ASXL1: variants seen among roughly 807,000 people sequenced by gnomAD.
ASXL1 encodes the protein ASXL transcriptional regulator 1.
In ASXL1, 65 loss-of-function variants were observed where a neutral mutation model predicts 89.1. The ratio of observed to expected loss-of-function variants is 0.73; its 90% CI spans 0.60 to 0.90. The LOEUF is 0.90. ASXL1 is among the 40% of genes least tolerant of loss of function. The probability of loss-of-function intolerance (pLI) is 0.00; values close to 1 mark genes in which losing one functional copy is unlikely to be tolerated. For missense variants in ASXL1, 1,786 were observed against 1,942.9 expected (o/e 0.92, Z 1.52); for synonymous variants, 739 against 746.9 (o/e 0.99, Z 0.17).
chr20:32,380,952 C>G (rs1201650356), intron 4 of ASXL1, among the ~76,000 whole-genome samples: 1 of 151,440 alleles, frequency 6.6e-6, no homozygotes, highest in African/African-American at 2.4e-5. Context: ...TCTGCTTGGC[C>G]TTTGCCTACT....
At chr20:32,411,899 A>G (rs1648303995) in intron 4 of ASXL1, among the ~76,000 whole-genome samples, 1 of 152,034 alleles carries the variant, frequency 6.6e-6, no homozygotes, top group Non-Finnish European at 1.5e-5. Context: ...TAATGTACAA[A>G]TTGTCGCTGA....
At chr20:32,372,973 C>T (rs183379971) in intron 4 of ASXL1, among the ~76,000 whole-genome samples, 78 of 147,428 alleles carry the variant, frequency 5.3e-4, no homozygotes, top group Admixed American at 2.5e-3. Flanking sequence ...GAGACAGTCT[C>T]GCTTTGTTGC....
intron 1 of ASXL1, among the ~76,000 whole-genome samples, chr20:32,365,686 A>T (rs190358164): frequency 1.5e-3 from 230 of 152,320 alleles, no homozygotes; most frequent in Non-Finnish European, 1.7e-3. Context: ...ATACTGCAAT[A>T]CTGCCATGAC....
chr20:32,400,016 C>T (rs2048845816), intron 4 of ASXL1, among the ~76,000 whole-genome samples: 1 of 151,970 alleles, frequency 6.6e-6, no homozygotes, highest in South Asian at 2.1e-4. Flanking sequence ...CTTGCCTCAG[C>T]CTCCCAAATT....
chr20:32,433,832 G>T lies in ASXL1; in HGVS notation c.1634G>T (p.Arg545Leu), dbSNP rs149449801. The T allele has an allele frequency of 6.2e-7, 1 of 1,613,950 alleles. No homozygotes were observed. The highest frequency in any genetic ancestry group is 1.1e-5 in the South Asian group (1 of 91,086). ...FPEKKPRLED[R>L]QSFRNTIESV... Reference sequence around the variant, plus strand: ...GAAAAGAAGCCCCGGCTTGAAGATCGTCAGTCCTTTCGTAACACAATTGAA... The same window carrying T: ...GAAAAGAAGCCCCGGCTTGAAGATCTTCAGTCCTTTCGTAACACAATTGAA... The change falls in exon 12 of 13, where the codon CGT becomes CTT. Residue 545 changes from arginine to leucine, a missense_variant. Around this residue, in one of 3 missense-constraint regions of ASXL1, gnomAD observed 1,418 missense variants for 1,427.8 expected, o/e 0.99. Transcript: ENST00000375687.
intron 4 of ASXL1, among the ~76,000 whole-genome samples, chr20:32,378,158 T>TTTTG (rs2048421070): frequency 7.7e-6 from 1 of 130,226 alleles, no homozygotes; most frequent in African/African-American, 3.1e-5. Flanking sequence ...GCTGAGTAAT[T>TTTTG]TGTGTGTGTG....
intron 6 of ASXL1, chr20:32,428,797 A>G: frequency 1.0e-5 from 3 of 295,714 alleles, no homozygotes; most frequent in South Asian, 9.5e-5. Context: ...AGTAGCTGGG[A>G]TTACAGGCAC....
Position 32,434,560 on chromosome 20 carries a change from CA to C in ASXL1, c.1849del (p.Ile617LeufsTer86). The C allele has an allele frequency of 6.2e-7, 1 of 1,613,688 alleles. No homozygotes were observed. Among genetic ancestry groups the C allele is most frequent in the Non-Finnish European group, 8.5e-7 (1 of 1,180,022 alleles). ...GWTGARTLAD[I>X]KARALQVRGA... Reference sequence around the variant, plus strand: ...GGACTGGCGCCAGGACCCTCGCAGACATTAAAGCCCGTGCTCTGCAGGTCCG... The same window carrying C: ...GGACTGGCGCCAGGACCCTCGCAGACTTAAAGCCCGTGCTCTGCAGGTCCG... On this transcript the variant is annotated frameshift_variant, in exon 13 of 13. Coordinates refer to ENST00000375687, the MANE Select transcript of ASXL1 (RefSeq NM_015338.6). LOFTEE classifies it low-confidence loss of function (END_TRUNC).
chr20:32,425,359 C>T (rs1305137406), intron 4 of ASXL1, among the ~76,000 whole-genome samples: 1 of 151,726 alleles, frequency 6.6e-6, no homozygotes, highest in Non-Finnish European at 1.5e-5. Context: ...TCTAAGGAAT[C>T]CAAGCCTAGG....
At chr20:32,390,204 A>C (rs910134848) in intron 4 of ASXL1, among the ~76,000 whole-genome samples, 2 of 152,230 alleles carry the variant, frequency 1.3e-5, no homozygotes, top group Admixed American at 6.5e-5. Flanking sequence ...TTTGTAATAA[A>C]GTGTTGAATA....
chr20:32,419,729 T>G (rs1024877261), intron 4 of ASXL1, among the ~76,000 whole-genome samples: 14 of 151,392 alleles, frequency 9.2e-5, no homozygotes, highest in Admixed American at 2.0e-4. Flanking sequence ...TTGCCCAGGC[T>G]GGAGTGCAGT....
chr20:32,423,424 A>AG (rs908957271), intron 4 of ASXL1, among the ~76,000 whole-genome samples: 8 of 151,458 alleles, frequency 5.3e-5, no homozygotes, highest in South Asian at 2.1e-4. Flanking sequence ...TATATTTAGT[A>AG]GGGGGGGTTT....
chr20:32,403,766 C>T (rs1569287855), intron 4 of ASXL1, among the ~76,000 whole-genome samples: 1 of 152,060 alleles, frequency 6.6e-6, no homozygotes, highest in East Asian at 1.9e-4. Flanking sequence ...GGTGGAGTTT[C>T]AATAGTAAAT....
chr20:32,378,987 C>G (rs1205723209), intron 4 of ASXL1, among the ~76,000 whole-genome samples: 1 of 151,282 alleles, frequency 6.6e-6, no homozygotes, highest in Non-Finnish European at 1.5e-5. Flanking sequence ...AAAAACCTAG[C>G]CAGGTGTGGT....
Position 32,435,647 on chromosome 20 carries a change from G to A in ASXL1, c.2935G>A (p.Asp979Asn), listed in dbSNP as rs2145375492. ...DSNGSYCQQV[D>N]IEKLKINGDS... is the part of the protein sequence containing the mutation. ...CAATGGCAGTTACTGTCAACAGGTG[G>A]ACATTGAAAAGCTGAAAATCAACGG... The change falls in exon 13 of 13, where the codon GAC becomes AAC. Residue 979 changes from aspartate to asparagine, a missense_variant. Coordinates refer to ENST00000375687, the MANE Select transcript of ASXL1 (RefSeq NM_015338.6). 1.2e-6 allele frequency: 2 copies of A among 1,614,166 alleles called. No individual in the cohort carries two copies. The highest frequency in any genetic ancestry group is 1.7e-6 in the Non-Finnish European group (2 of 1,180,042).
chr20:32,399,451 A>G (rs538890792), intron 4 of ASXL1, among the ~76,000 whole-genome samples: 5 of 143,850 alleles, frequency 3.5e-5, no homozygotes, highest in African/African-American at 1.3e-4. Flanking sequence ...CTTGTGGTTC[A>G]TTGATGTTCT....
At position 32,436,411 on chromosome 20, in the gene ASXL1, G is replaced by T; in HGVS notation, c.3699G>T (p.Glu1233Asp). Residue 1233 changes from glutamate (E) to aspartate (D), a missense_variant, in exon 13 of 13, where the codon GAG (glutamate) becomes GAT (aspartate). This residue lies in a region of ASXL1 where 1,418 missense variants were observed against 1,427.8 expected (regional missense o/e 0.99). Transcript: ENST00000375687. The part of the protein sequence containing the change: ...SRKLEEMDSK[E>D]QFSSFSCEDQ... ...AACTGGAAGAAATGGATTCCAAAGAGCAGTTCTCTTCCTTTAGTTGTGAAG... is the reference window on the plus strand; with the variant it reads ...AACTGGAAGAAATGGATTCCAAAGATCAGTTCTCTTCCTTTAGTTGTGAAG... 1.2e-6 allele frequency: 2 copies of T among 1,613,878 alleles called. No individual in the cohort carries two copies. The highest frequency in any genetic ancestry group is 1.7e-6 in the Non-Finnish European group (2 of 1,180,042).
chr20:32,371,982 A>C (rs1040394968), intron 4 of ASXL1: 8 of 512,856 alleles, frequency 1.6e-5, no homozygotes, highest in East Asian at 5.8e-5. Flanking sequence ...GTTTATTACA[A>C]ATATGCCTGT....
At position 32,438,693 on chromosome 20, in the gene ASXL1, C is replaced by T. The variant is rs567402748; in HGVS notation, c.*1355C>T. ...TGGATTCATGGGTGAGTTCCCTGGG[C>T]AGCCCCCAGGAAGGCCTTCCAGATC... On this transcript the variant is annotated 3_prime_UTR_variant, in exon 13 of 13. Coordinates refer to ENST00000375687, the MANE Select transcript of ASXL1 (RefSeq NM_015338.6). 8.6e-6 allele frequency: 2 copies of T among 233,572 alleles called. No homozygotes were observed. The highest frequency in any genetic ancestry group is 5.6e-5 in the Admixed American group (1 of 17,786). The allele number at this position is 233,572 out of a possible 1,614,324, so 14.5% of individuals were successfully genotyped here.
Sources: allele counts gnomAD v4.1 joint callset (sites outside exome capture counted in the v4.1 genomes callset), GRCh38; gene constraint gnomAD v4.1.1; regional missense constraint gnomAD v4.1.1; transcripts MANE v1.5; gene names NCBI Gene and HGNC (gene_info 2026-07-23, HGNC 2026-07-21).